Variants in TTN observed in about 807,000 individuals in gnomAD.
TTN encodes the protein titin, also known as connectin.
In TTN, 1,525 loss-of-function variants were observed where a neutral mutation model predicts 3,223.0. The ratio of observed to expected loss-of-function variants is 0.47; its 90% CI spans 0.45 to 0.49. The LOEUF is 0.49. Among genes scored for constraint, TTN ranks in the 20% least tolerant of loss-of-function variants. The pLI is 0.00. For synonymous variants in TTN, 14,094 were observed against 15,161.0 expected (o/e 0.93, Z 5.17); for missense variants, 40,786 against 43,424.0 (o/e 0.94, Z 5.40).
chr2:178,555,307 T>G, intron 330 of TTN, 155 bp from the exon 331 acceptor site: 1 of 713,872 alleles, frequency 1.4e-6, no homozygotes, highest in Non-Finnish European at 2.2e-6. Flanking sequence ...AAATTAAAAA[T>G]TTATAGGCCA....
chr2:178,551,246 G>C lies in TTN; in HGVS notation c.91285C>G (p.Pro30429Ala), dbSNP rs1457717361. ...TCCCGGGTGACATCAATGTAGTCAG[G>C]AGTGCCAGGTGGGTCTAAAAAATTA... ...AVSPVDPPGT[P>A]DYIDVTRETI... Residue 30429 changes from proline (P) to alanine (A), a missense_variant, in exon 336 of 363, where the codon CCT (proline) becomes GCT (alanine). Transcript: ENST00000589042. The C allele has an allele frequency of 1.9e-6, 3 of 1,611,960 alleles. No homozygotes were observed. The highest frequency in any genetic ancestry group is 1.7e-6 in the Non-Finnish European group (2 of 1,179,322).
At chr2:178,711,607 C>G (rs1297688768) in intron 96 of TTN, among the ~76,000 whole-genome samples, 2 of 152,156 alleles carry the variant, frequency 1.3e-5, no homozygotes, top group African/African-American at 4.8e-5. Context: ...GAAGGCATGT[C>G]TCTGGGCAAG....
intron 33 of TTN, among the ~76,000 whole-genome samples, chr2:178,772,149 G>T (rs577807676): frequency 1.4e-4 from 22 of 152,260 alleles, no homozygotes; most frequent in African/African-American, 4.6e-4. Flanking sequence ...AAATCACAGA[G>T]GAGTTCATAG....
At chr2:178,610,911 T>C (rs769026038) in intron 270 of TTN, 82 bp downstream of exon 270, 4 of 1,541,312 alleles carry the variant, frequency 2.6e-6, no homozygotes, top group Non-Finnish European at 3.5e-6. Flanking sequence ...ATGAAGCCAA[T>C]TATATTATTA....
chr2:178,567,076 T>G lies in TTN; in HGVS notation c.79056A>C (p.Leu26352Phe). The change falls in exon 326 of 363, where the codon TTA (leucine) becomes TTC (phenylalanine). Residue 26352 changes from leucine (L) to phenylalanine (F), a missense_variant. Leu to Phe is a conservative substitution (Grantham distance 22, BLOSUM62 0). Transcript: ENST00000589042. ...VTNSLKVTKLLEGNEYVFRIM... is the reference protein window; with the variant it reads ...VTNSLKVTKLFEGNEYVFRIM... ...TACGGAAAACATATTCATTACCTTCTAAGAGTTTGGTAACTTTCAGAGAAT... is the reference window on the plus strand; with the variant it reads ...TACGGAAAACATATTCATTACCTTCGAAGAGTTTGGTAACTTTCAGAGAAT... The G allele has an allele frequency of 6.2e-7, 1 of 1,613,576 alleles. No individual in the cohort carries two copies. Among genetic ancestry groups the G allele is most frequent in the Non-Finnish European group, 8.5e-7 (1 of 1,179,616 alleles).
intron 40 of TTN, among the ~76,000 whole-genome samples, chr2:178,767,133 G>A (rs1049447929): frequency 5.3e-5 from 8 of 152,178 alleles, no homozygotes; most frequent in Non-Finnish European, 1.2e-4. Flanking sequence ...TCCACAGTCT[G>A]TAAAGCCTGG....
chr2:178,778,424 A>C, intron 24 of TTN: 5 of 225,028 alleles, frequency 2.2e-5, no homozygotes, highest in South Asian at 7.0e-5. Context: ...AACAAAACAA[A>C]GCAAAACAAG....
chr2:178,634,344 C>A lies in TTN; in HGVS notation c.42415+22G>T. The A allele has an allele frequency of 6.3e-7, 1 of 1,588,464 alleles. No homozygotes were observed. Among genetic ancestry groups the A allele is most frequent in the Non-Finnish European group, 8.5e-7 (1 of 1,173,904 alleles). On this transcript the variant is annotated intron_variant, in intron 230 of 362. Transcript: ENST00000589042. The surrounding 1 kb of genome is among the most constrained non-coding windows in gnomAD (Gnocchi z 4.6). ...ATTTGCATGCCTTTATGGGATGTCA[C>A]AGATCTCATTAGCTCGCTTACCTGT...
At chr2:178,705,088 T>C (rs2075638642) in intron 103 of TTN, 86 bp downstream of exon 103, 1 of 1,578,156 alleles carries the variant, frequency 6.3e-7, no homozygotes, top group South Asian at 1.2e-5. Context: ...GTCATATAAC[T>C]ATAGGATTCT....
At chr2:178,615,047 A>T in intron 259 of TTN, 79 bp from the exon 260 acceptor site, 1 of 1,280,824 alleles carries the variant, frequency 7.8e-7, no homozygotes, top group South Asian at 1.4e-5. Context: ...TCTTTCAAAA[A>T]TTCAAACCCC....
At position 178,701,113 on chromosome 2, in the gene TTN, A is replaced by G. The variant is rs752353097; in HGVS notation, c.30682+7T>C. On this transcript the variant is annotated splice_region_variant and intron_variant, in intron 111 of 362. Transcript: ENST00000589042. ...ATTTCGACATCTAGGTAGATGAGGT[A>G]TAATACCTTCAATACGTTTTGGTGG... The G allele has an allele frequency of 6.2e-6, 10 of 1,613,074 alleles. No individual in the cohort carries two copies. The highest frequency in any genetic ancestry group is 1.1e-5 in the South Asian group (1 of 91,048).
At chr2:178,628,051 C>G (rs2059294089) in intron 240 of TTN, among the ~76,000 whole-genome samples, 1 of 152,040 alleles carries the variant, frequency 6.6e-6, no homozygotes, top group South Asian at 2.1e-4. Flanking sequence ...TCCCATGCTA[C>G]AAATGGAATG....
Position 178,574,784 on chromosome 2 carries a change from C to T in TTN, c.71348G>A (p.Arg23783His), listed in dbSNP as rs145504744. The T allele has an allele frequency of 3.3e-5, 53 of 1,611,278 alleles. No individual in the cohort carries two copies. In the South Asian group the frequency reaches 3.9e-4, roughly 12 times the overall value. ...TWVELATTVI[R>H]TTYKATRLTT... ...AAGGCGGGTGGCTTTATAGGTAGTA[C>T]GTATAACGGTGGTTGCTAACTCAAC... The change falls in exon 326 of 363, where the codon CGT becomes CAT. Residue 23783 changes from arginine to histidine, a missense_variant. Arg to His is a conservative substitution (Grantham distance 29). Coordinates refer to ENST00000589042, the MANE Select transcript of TTN (RefSeq NM_001267550.2).
intron 47 of TTN, chr2:178,747,186 T>G (rs1454833866): frequency 1.2e-6 from 2 of 1,610,006 alleles, no homozygotes; most frequent in African/African-American, 1.3e-5. Flanking sequence ...GTGGAGTATC[T>G]CTCTAGAGTC....
At position 178,730,197 on chromosome 2, in the gene TTN, C is replaced by G; in HGVS notation, c.18203G>C (p.Ser6068Thr). Residue 6068 changes from serine to threonine, a missense_variant, in exon 62 of 363, where the codon AGT becomes ACT. Ser to Thr is a moderately conservative substitution (Grantham distance 58, BLOSUM62 1). Coordinates refer to ENST00000589042, the MANE Select transcript of TTN (RefSeq NM_001267550.2). ...AGCTTTGGCTGCAAAGAGCTCTAGACTGGTAGAGGTGTCATCCTTCCAAAC... is the reference window on the plus strand; with the variant it reads ...AGCTTTGGCTGCAAAGAGCTCTAGAGTGGTAGAGGTGTCATCCTTCCAAAC... ...RSVWKDDTSTSLELFAAKATD... is the reference protein window; with the variant it reads ...RSVWKDDTSTTLELFAAKATD... 1 of 1,613,466 alleles carries G rather than the reference C, an allele frequency of 6.2e-7. No individual in the cohort carries two copies. The highest frequency in any genetic ancestry group is 8.5e-7 in the Non-Finnish European group (1 of 1,179,670).
In TTN at chr2:178,572,530, T is replaced by C; in HGVS notation, c.73602A>G (p.Thr24534=). The C allele has an allele frequency of 6.2e-7, 1 of 1,613,486 alleles. No individual in the cohort carries two copies. The highest frequency in any genetic ancestry group is 8.5e-7 in the Non-Finnish European group (1 of 1,179,608). Residue 24534 remains threonine, a synonymous_variant, in exon 326 of 363, where the codon ACA becomes ACG. Transcript: ENST00000589042. ...GTGGGTCCCATGTGAGTGTGACAGA[T>C]GTCTTAGTGACCTCTTTTACCTTCA... ...QDLKVKEVTK[T]SVTLTWDPPL... is the part of the protein sequence containing the mutation.
At chr2:178,748,518 G>A (rs866383926) in intron 47 of TTN, 7 of 1,613,006 alleles carry the variant, frequency 4.3e-6, no homozygotes, top group Non-Finnish European at 5.9e-6. Context: ...TCCAGAGCTG[G>A]ATCTCCTATA....
At chr2:178,649,113 C>T in intron 213 of TTN, 135 bp downstream of exon 213, 9 of 656,488 alleles carry the variant, frequency 1.4e-5, no homozygotes, top group South Asian at 9.0e-5. Flanking sequence ...CATTTTTTTC[C>T]CTTCATTATT....
rs774568339 is a variant in TTN, at chr2:178,580,169, A to T, written c.67118T>A (p.Val22373Asp). ...ATCAATAATGGGAGGCTCCCAGGTA[A>T]CATAAGCAGAGTCTTTGGATATTTC... ...VKEISKDSAY[V>D]TWEPPIIDGG... Residue 22373 changes from valine (V) to aspartate (D), a missense_variant, in exon 318 of 363, where the codon GTT (valine) becomes GAT (aspartate). Coordinates refer to ENST00000589042, the MANE Select transcript of TTN (RefSeq NM_001267550.2). The T allele has an allele frequency of 3.7e-6, 6 of 1,613,152 alleles. No individual in the cohort carries two copies. In the African/African-American group the frequency reaches 5.3e-5, roughly 14 times the overall value.
Sources: allele counts gnomAD v4.1 joint callset (sites outside exome capture counted in the v4.1 genomes callset), GRCh38; gene constraint gnomAD v4.1.1; non-coding constraint Gnocchi (gnomAD v3.1); transcripts MANE v1.5; gene names NCBI Gene and HGNC (gene_info 2026-07-23, HGNC 2026-07-21).